The following PSD3 variants were observed in gnomAD, a reference collection of about 807,000 sequenced individuals.
PSD3 encodes PH and SEC7 domain-containing protein 3.
In PSD3, 49 loss-of-function variants were observed where a neutral mutation model predicts 105.5. The observed-to-expected ratio is 0.46, with a 90% CI of 0.37 to 0.59. The LOEUF (loss-of-function observed/expected upper bound fraction) is 0.59, where lower values mean the gene tolerates loss of function less well. Among genes scored for constraint, PSD3 ranks in the 20% least tolerant of loss-of-function variants. The pLI, the probability that PSD3 is intolerant of heterozygous loss-of-function variation, is 0.00. For synonymous variants in PSD3, 557 were observed against 457.8 expected (o/e 1.22, Z -2.77); for missense variants, 1,561 against 1,263.8 (o/e 1.24, Z -3.57).
At chr8:18,838,539 T>C (rs534329264) in intron 4 of PSD3, among the ~76,000 whole-genome samples, 39 of 152,080 alleles carry the variant, frequency 2.6e-4, no homozygotes, top group Non-Finnish European at 4.9e-4. Context: ...TGGTGGCTCA[T>C]GCCTGTAATC....
In PSD3 at chr8:18,867,875, A is replaced by T. The variant is rs1346100664; in HGVS notation, c.1433T>A (p.Leu478His). The stretch of plus-strand genomic sequence containing the variant: ...AATGCGCTGTTGTATCATTGGAGTG[A>T]GGGGCATTTCAAAGCTAAAATAGCT... ...PDSYFSFEMP[L>H]TPMIQQRIKE... The change falls in exon 4 of 16, where the codon CTC becomes CAC. Residue 478 changes from leucine (L) to histidine (H), a missense_variant. Physicochemically the swap from Leu to His is moderately conservative, Grantham distance 99. Coordinates refer to ENST00000327040, the MANE Select transcript of PSD3 (RefSeq NM_015310.4). 2.5e-6 allele frequency: 4 copies of T among 1,614,042 alleles called. No individual in the cohort carries two copies. The East Asian group carries it at 6.7e-5, about 27-fold the overall frequency.
intron 1 of PSD3, among the ~76,000 whole-genome samples, chr8:19,074,380 A>G (rs13281237): frequency 0.21 from 32,559 of 151,550 alleles, 4,343 homozygotes; most frequent in East Asian, 0.53. Context: ...GGGTGCCACA[A>G]CTCTGTGATG....
intron 13 of PSD3, among the ~76,000 whole-genome samples, chr8:18,574,499 T>A (rs1026801769): frequency 2.0e-5 from 3 of 152,306 alleles, no homozygotes; most frequent in African/African-American, 7.2e-5. Context: ...CCGGGCAACT[T>A]GTTTCCTTAT....
intron 1 of PSD3, among the ~76,000 whole-genome samples, chr8:19,041,327 T>A (rs977199435): frequency 6.6e-6 from 1 of 152,196 alleles, no homozygotes; most frequent in African/African-American, 2.4e-5. Flanking sequence ...TGAGCTAATA[T>A]CCTATCTATG....
chr8:18,975,118 A>G (rs1202415823), intron 1 of PSD3, among the ~76,000 whole-genome samples: 2 of 152,154 alleles, frequency 1.3e-5, no homozygotes, highest in East Asian at 3.9e-4. Flanking sequence ...CAAAGCTTTC[A>G]AAAGGGACAA....
intron 15 of PSD3, among the ~76,000 whole-genome samples, chr8:18,552,155 A>G (rs1405821212): frequency 6.6e-6 from 1 of 152,190 alleles, no homozygotes. Context: ...CAGGCTTTAC[A>G]ATGACCTGAA....
chr8:19,045,660 C>A (rs1430568805), intron 1 of PSD3, among the ~76,000 whole-genome samples: 1 of 152,138 alleles, frequency 6.6e-6, no homozygotes, highest in Non-Finnish European at 1.5e-5. Flanking sequence ...TTCAGGAACA[C>A]CTTCTCCATT....
chr8:18,929,821 GAA>G (rs71218910), intron 2 of PSD3, among the ~76,000 whole-genome samples: 3 of 151,632 alleles, frequency 2.0e-5, no homozygotes, highest in Non-Finnish European at 4.4e-5. Context: ...ATCTCAGGGG[GAA>G]AAAAAATCTA....
chr8:18,658,714 C>T (rs1439040022), intron 9 of PSD3, among the ~76,000 whole-genome samples: 1 of 151,936 alleles, frequency 6.6e-6, no homozygotes, highest in Non-Finnish European at 1.5e-5. Flanking sequence ...TATGAAAATC[C>T]TACAGATTAG....
At chr8:18,966,715 C>T (rs1398704477) in intron 1 of PSD3, among the ~76,000 whole-genome samples, 1 of 152,082 alleles carries the variant, frequency 6.6e-6, no homozygotes, top group African/African-American at 2.4e-5. Flanking sequence ...CAGTGTGCCC[C>T]AGGAGGACGC....
intron 4 of PSD3, among the ~76,000 whole-genome samples, chr8:18,816,855 C>G (rs1812261425): frequency 1.4e-5 from 1 of 69,666 alleles, no homozygotes; most frequent in Non-Finnish European, 3.7e-5. Context: ...TACACTCAGA[C>G]AGTGACATTC....
At chr8:18,827,675 C>T (rs1489347907) in intron 4 of PSD3, among the ~76,000 whole-genome samples, 4 of 151,986 alleles carry the variant, frequency 2.6e-5, no homozygotes, top group African/African-American at 7.3e-5. Context: ...TAGCAGACTC[C>T]TGCAAGGGTC....
At chr8:18,729,501 A>G (rs1299252733) in intron 9 of PSD3, among the ~76,000 whole-genome samples, 1 of 152,236 alleles carries the variant, frequency 6.6e-6, no homozygotes, top group African/African-American at 2.4e-5. Flanking sequence ...AGAACATGCC[A>G]CCACATTAAA....
intron 4 of PSD3, among the ~76,000 whole-genome samples, chr8:18,826,922 T>G (rs1402372518): frequency 6.6e-6 from 1 of 152,130 alleles, no homozygotes; most frequent in Non-Finnish European, 1.5e-5. Context: ...GATAATATTA[T>G]CAGCTCACAC....
chr8:18,566,361 C>T (rs965787534), intron 14 of PSD3, among the ~76,000 whole-genome samples: 1 of 151,816 alleles, frequency 6.6e-6, no homozygotes, highest in African/African-American at 2.4e-5. Context: ...CTTATCTCTA[C>T]TAAAAATACG....
chr8:19,074,728 C>G (rs1829405457), intron 1 of PSD3, among the ~76,000 whole-genome samples: 1 of 146,872 alleles, frequency 6.8e-6, no homozygotes, highest in Non-Finnish European at 1.5e-5. Flanking sequence ...TCACGCCATT[C>G]TCCTGCCTCA....
At chr8:18,626,656 T>G (rs1408393566) in intron 11 of PSD3, among the ~76,000 whole-genome samples, 1 of 152,142 alleles carries the variant, frequency 6.6e-6, no homozygotes, top group East Asian at 1.9e-4. Context: ...ATTTCTCTAA[T>G]TTGTTTATAG....
intron 9 of PSD3, chr8:18,763,046 C>A: frequency 1.8e-6 from 1 of 546,702 alleles, no homozygotes; most frequent in Non-Finnish European, 3.2e-6. Flanking sequence ...CACAGCAGAC[C>A]TTTAATAAAT....
intron 9 of PSD3, among the ~76,000 whole-genome samples, chr8:18,746,965 T>C (rs1174217569): frequency 1.3e-5 from 2 of 152,242 alleles, no homozygotes; most frequent in Non-Finnish European, 2.9e-5. Context: ...CTCAGCATGT[T>C]TGTGCTTGCA....
Sources: allele counts gnomAD v4.1 joint callset (sites outside exome capture counted in the v4.1 genomes callset), GRCh38; gene constraint gnomAD v4.1.1; transcripts MANE v1.5; gene names NCBI Gene and HGNC (gene_info 2026-07-23, HGNC 2026-07-21).